Variants in CPM observed in about 807,000 individuals in gnomAD.
CPM encodes carboxypeptidase M.
In CPM, 35 loss-of-function variants were observed where a neutral mutation model predicts 46.4. That is an observed-to-expected ratio of 0.75 (90% CI 0.58 to 1.00). CPM has a LOEUF of 1.00. Among genes scored for constraint, CPM ranks in the 50% least tolerant of loss-of-function variants. The pLI is 0.00. For missense variants in CPM, 422 were observed against 530.4 expected (o/e 0.80, Z 2.01); for synonymous variants, 195 against 195.3 (o/e 1.00, Z 0.01).
intron 7 of CPM, among the ~76,000 whole-genome samples, chr12:68,863,332 C>G (rs1441962983): frequency 2.0e-5 from 3 of 152,192 alleles, no homozygotes; most frequent in Admixed American, 6.5e-5. Context: ...AACACCGTGT[C>G]TGGCTCATCT....
At chr12:68,861,810 G>A (rs201957257) in intron 7 of CPM, among the ~76,000 whole-genome samples, 2 of 149,940 alleles carry the variant, frequency 1.3e-5, no homozygotes, top group Admixed American at 6.7e-5. Flanking sequence ...TTACAGGCGT[G>A]AGCCATCGCG....
In CPM at chr12:68,855,720, GTTT is replaced by G. The variant is rs562662016; in HGVS notation, c.*714_*716del. 6.7e-6 allele frequency: 1 copy of G among 148,418 alleles called. No homozygotes were observed. Among genetic ancestry groups the G allele is most frequent in the Admixed American group, 6.7e-5 (1 of 14,910 alleles). 9.2% of individuals were successfully genotyped at this position (148,418 alleles called of 1,614,324 possible). A position where few individuals can be genotyped will look rare whatever the true frequency, so the allele number is the denominator to read the frequency against. On this transcript the variant is annotated 3_prime_UTR_variant, in exon 9 of 9. Transcript: ENST00000551568. ...TCACATGTAGCACTCATGGTGAGGTGTTTTTTTTGTTTGTTTGTTTTTGTTTTT... is the reference window on the plus strand; with the variant it reads ...TCACATGTAGCACTCATGGTGAGGTGTTTTTGTTTGTTTGTTTTTGTTTTT...
In CPM at chr12:68,870,347, A is replaced by G. The variant is rs772112072; in HGVS notation, c.484T>C (p.Tyr162His). 12 of 1,614,092 alleles carry G rather than the reference A, an allele frequency of 7.4e-6. No individual in the cohort carries two copies. The highest frequency in any genetic ancestry group is 1.0e-5 in the Non-Finnish European group (12 of 1,180,030). Residue 162 changes from tyrosine (Y) to histidine (H), a missense_variant, in exon 5 of 9, where the codon TAT (tyrosine) becomes CAT (histidine). By Grantham distance (83) the Tyr-to-His change is moderately conservative. Coordinates refer to ENST00000551568, the MANE Select transcript of CPM (RefSeq NM_198320.5). ...LNRNFPDAFE[Y>H]NNVSRQPETV... Reference sequence around the variant, plus strand: ...TCAGGCTGCCTTGAGACATTATTATATTCAAAAGCATCGGGGAAATTTCGA... The same window carrying G: ...TCAGGCTGCCTTGAGACATTATTATGTTCAAAAGCATCGGGGAAATTTCGA...
chr12:68,852,682 C>CA lies in CPM; in HGVS notation c.*3754dup. ...GGCGATTTCTCCTGCCTCAGCCTCCCAAGTAGCTGGGATTACAGGTGCCTG... is the reference window on the plus strand; with the variant it reads ...GGCGATTTCTCCTGCCTCAGCCTCCCAAAGTAGCTGGGATTACAGGTGCCTG... On this transcript the variant is annotated 3_prime_UTR_variant, in exon 9 of 9. Coordinates refer to ENST00000551568, the MANE Select transcript of CPM (RefSeq NM_198320.5). 6.6e-6 allele frequency: 1 copy of CA among 152,302 alleles called. No homozygotes were observed. The highest frequency in any genetic ancestry group is 1.5e-5 in the Non-Finnish European group (1 of 68,186). The allele number at this position is 152,302 out of a possible 1,614,324, so 9.4% of individuals were successfully genotyped here. A position where few individuals can be genotyped will look rare whatever the true frequency, so the allele number is the denominator to read the frequency against.
intron 2 of CPM, among the ~76,000 whole-genome samples, chr12:68,910,263 TA>T (rs1265099636): frequency 6.6e-6 from 1 of 152,088 alleles, no homozygotes; most frequent in Non-Finnish European, 1.5e-5. Flanking sequence ...TTGAAACAGT[TA>T]AAAAAATGAG....
chr12:68,897,697 A>T (rs1358804700), intron 2 of CPM, among the ~76,000 whole-genome samples: 1 of 146,332 alleles, frequency 6.8e-6, no homozygotes, highest in Non-Finnish European at 1.5e-5. Flanking sequence ...AGATCGTGCC[A>T]TTGCACTCCA....
At chr12:68,929,750 A>G (rs888138028) in intron 2 of CPM, among the ~76,000 whole-genome samples, 1 of 152,228 alleles carries the variant, frequency 6.6e-6, no homozygotes, top group African/African-American at 2.4e-5. Flanking sequence ...ATGCTCAAAG[A>G]GGTGAATGAC....
chr12:68,853,890 C>CTTTT lies in CPM; in HGVS notation c.*2546_*2547insAAAA, dbSNP rs1565761329. On this transcript the variant is annotated 3_prime_UTR_variant, in exon 9 of 9. Transcript: ENST00000551568. ...GAAAGAAATCTGCTCACCAGAGTTG[C>CTTTT]TATTTTTTTTTTCTTTTCTGTTTAG... 2 of 151,386 alleles carry CTTTT rather than the reference C, an allele frequency of 1.3e-5. No individual in the cohort carries two copies. The highest frequency in any genetic ancestry group is 2.9e-5 in the Non-Finnish European group (2 of 67,814). The allele number at this position is 151,386 out of a possible 1,614,324, so 9.4% of individuals were successfully genotyped here.
rs748696504 is a variant in CPM at position 68,932,744 on chromosome 12, A to G, written c.94T>C (p.Leu32=). Residue 32 remains leucine (L), a synonymous_variant, in exon 2 of 9, where the codon TTG becomes CTG. Transcript: ENST00000551568. ...YHRQEGMEAF[L]KTVAQNYSSV... ...CTGTAGTTTTGGGCAACAGTCTTCA[A>G]AAACGCTTCCATCCCTTCCTGGCGG... is the stretch of plus-strand genomic sequence containing the variant. 51 of 1,614,110 alleles carry G rather than the reference A, an allele frequency of 3.2e-5. No homozygotes were observed. The highest frequency in any genetic ancestry group is 3.9e-5 in the Non-Finnish European group (46 of 1,180,042).
intron 7 of CPM, among the ~76,000 whole-genome samples, chr12:68,863,954 T>A (rs1248462132): frequency 6.6e-6 from 1 of 152,238 alleles, no homozygotes; most frequent in Non-Finnish European, 1.5e-5. Flanking sequence ...TGGGCACTAG[T>A]AGGGAGAGAA....
intron 2 of CPM, among the ~76,000 whole-genome samples, chr12:68,926,449 C>T (rs1220759129): frequency 6.6e-6 from 1 of 152,052 alleles, no homozygotes; most frequent in Non-Finnish European, 1.5e-5. Flanking sequence ...AGAGCTATAC[C>T]TTCAGGTCAA....
chr12:68,924,881 G>A (rs1197745589), intron 2 of CPM, among the ~76,000 whole-genome samples: 1 of 152,204 alleles, frequency 6.6e-6, no homozygotes, highest in East Asian at 1.9e-4. Context: ...GATCATGAGA[G>A]ATCTGTGTAT....
At chr12:68,932,985 C>T (rs1017237240) in intron 1 of CPM, 145 bp from the exon 2 acceptor site, 8 of 676,920 alleles carry the variant, frequency 1.2e-5, no homozygotes, top group Non-Finnish European at 4.9e-6. Flanking sequence ...GGAAGCAACA[C>T]CTTCGGGAGT....
chr12:68,939,028 GTACA>G (rs1445709399), intron 1 of CPM, among the ~76,000 whole-genome samples: 2 of 146,432 alleles, frequency 1.4e-5, no homozygotes, highest in African/African-American at 2.5e-5. Context: ...TAGATATTAT[GTACA>G]TACATCTATA....
intron 3 of CPM, 145 bp downstream of exon 3, chr12:68,885,647 A>G: frequency 1.5e-6 from 1 of 650,906 alleles, no homozygotes; most frequent in Non-Finnish European, 2.6e-6. Flanking sequence ...CAGGCCTCAC[A>G]GGAAGACCTC....
intron 1 of CPM, among the ~76,000 whole-genome samples, chr12:68,948,542 A>C (rs990818103): frequency 6.6e-6 from 1 of 152,012 alleles, no homozygotes; most frequent in African/African-American, 2.4e-5. Flanking sequence ...GAGGGTAGGG[A>C]GGAGGTCCCT....
At chr12:68,867,701 G>C (rs935760020) in intron 6 of CPM, among the ~76,000 whole-genome samples, 1 of 152,218 alleles carries the variant, frequency 6.6e-6, no homozygotes, top group Admixed American at 6.5e-5. Context: ...CAATATGCCA[G>C]AGTGCTCCTG....
intron 5 of CPM, chr12:68,844,224 TTAAAA>T (rs746756850): frequency 9.5e-6 from 2 of 211,626 alleles, no homozygotes; most frequent in Non-Finnish European, 9.6e-6. Context: ...TTATGAGTTG[TTAAAA>T]TAGAAATTAT....
chr12:68,886,558 G>C (rs11177407), intron 2 of CPM, among the ~76,000 whole-genome samples: 96,178 of 152,012 alleles, frequency 0.63, 31,248 homozygotes, highest in Non-Finnish European at 0.72. Flanking sequence ...TGTGAACCCC[G>C]GAGGCGGAGC....
Sources: allele counts gnomAD v4.1 joint callset (sites outside exome capture counted in the v4.1 genomes callset), GRCh38; gene constraint gnomAD v4.1.1; transcripts MANE v1.5; gene names NCBI Gene and HGNC (gene_info 2026-07-23, HGNC 2026-07-21).